CFAP410: variants seen among roughly 807,000 people sequenced by gnomAD.
CFAP410 encodes cilia and flagella associated protein 410.
In CFAP410, 27 loss-of-function variants were observed where a neutral mutation model predicts 25.7. The ratio of observed to expected loss-of-function variants is 1.05; its 90% CI spans 0.77 to 1.45. The LOEUF is 1.45. CFAP410 is among the 40% of genes most tolerant of loss of function. The probability of loss-of-function intolerance (pLI) is 0.00; values close to 1 mark genes in which losing one functional copy is unlikely to be tolerated. For synonymous variants in CFAP410, 178 were observed against 158.4 expected (o/e 1.12, Z -0.93); for missense variants, 428 against 354.1 (o/e 1.21, Z -1.67).
In CFAP410 at chr21:44,330,137, C is replaced by T. The variant is rs1214778537; in HGVS notation, c.*61G>A. 30 of 1,520,918 alleles carry T rather than the reference C, an allele frequency of 2.0e-5. No individual in the cohort carries two copies. Among genetic ancestry groups the T allele is most frequent in the East Asian group, 7.4e-5 (3 of 40,690 alleles). 94.2% of individuals were successfully genotyped at this position (1,520,918 alleles called of 1,614,324 possible). ...GCCATGGCAGCCACCCTCCAGCTCCCGGGGGCTGGGGAAGACGCTGGGGTC... is the reference window on the plus strand; with the variant it reads ...GCCATGGCAGCCACCCTCCAGCTCCTGGGGGCTGGGGAAGACGCTGGGGTC... On this transcript the variant is annotated 3_prime_UTR_variant, in exon 7 of 7. Coordinates refer to ENST00000339818, the MANE Select transcript of CFAP410 (RefSeq NM_004928.3).
Position 44,331,881 on chromosome 21 carries a change from C to G in CFAP410, c.507G>C (p.Glu169Asp). Residue 169 changes from glutamate to aspartate, a missense_variant, in exon 5 of 7, where the codon GAG (glutamate) becomes GAC (aspartate). Glu to Asp is a conservative substitution (Grantham distance 45, BLOSUM62 2). Transcript: ENST00000339818. The stretch of plus-strand genomic sequence containing the variant: ...CGCTGTCCAGCGGGTCCCGGCCAGT[C>G]TCAGCAGCGGAGCTGAGGGAGCTCA... Reference protein sequence around the residue: ...CTLSSLSSAAETGRDPLDSEE... With the variant: ...CTLSSLSSAADTGRDPLDSEE... The G allele has an allele frequency of 6.2e-7, 1 of 1,612,704 alleles. No individual in the cohort carries two copies.
chr21:44,330,803 C>G lies in CFAP410; in HGVS notation c.642+20G>C. 1.3e-6 allele frequency: 2 copies of G among 1,576,390 alleles called. No individual in the cohort carries two copies. Among genetic ancestry groups the G allele is most frequent in the Non-Finnish European group, 1.7e-6 (2 of 1,161,668 alleles). ...GCAGTGGGCAGAGGCAGCCGCGGCC[C>G]CTAGCGGCCCGCCACTCACCCTGCC... On this transcript the variant is annotated intron_variant, in intron 6 of 6. Transcript: ENST00000339818.
At chr21:44,332,819 G>A (rs2047676548) in intron 4 of CFAP410, 3 of 581,572 alleles carry the variant, frequency 5.2e-6, no homozygotes, top group Non-Finnish European at 9.3e-6. Flanking sequence ...GTCAGTCCCA[G>A]GAGGGACCCT....
At chr21:44,331,290 A>C in intron 5 of CFAP410, 1 of 319,306 alleles carries the variant, frequency 3.1e-6, no homozygotes, top group Non-Finnish European at 5.8e-6. Flanking sequence ...CAGAGATCAC[A>C]TCCCGATGCC....
At chr21:44,330,531 G>A (rs1432385509) in intron 6 of CFAP410, 3 of 1,548,206 alleles carry the variant, frequency 1.9e-6, no homozygotes, top group African/African-American at 2.7e-5. Context: ...TCTTCCACGT[G>A]ACTCCTGTTG....
chr21:44,331,141 C>G, intron 5 of CFAP410: 1 of 580,356 alleles, frequency 1.7e-6, no homozygotes, highest in Non-Finnish European at 3.1e-6. Flanking sequence ...GGCGCCCTCC[C>G]GGCACCCTGG....
intron 5 of CFAP410, 82 bp from the exon 6 acceptor site, chr21:44,331,001 A>G (rs1021089660): frequency 1.6e-6 from 2 of 1,273,884 alleles, no homozygotes; most frequent in Non-Finnish European, 2.1e-6. Flanking sequence ...TGCGGGTCGC[A>G]TCCAAGCAAA....
intron 3 of CFAP410, chr21:44,333,633 C>T (rs1458889296): frequency 8.7e-6 from 3 of 345,208 alleles, no homozygotes; most frequent in Non-Finnish European, 1.6e-5. Flanking sequence ...AGGGAGCGGC[C>T]AGAAAAACTC....
chr21:44,330,750 C>T, intron 6 of CFAP410, 73 bp downstream of exon 6: 10 of 1,551,210 alleles, frequency 6.4e-6, no homozygotes, highest in Non-Finnish European at 7.8e-6. Context: ...GCTCCATGCT[C>T]CCTCCCCACG....
intron 3 of CFAP410, 50 bp from the exon 4 acceptor site, chr21:44,333,312 G>C (rs575547314): frequency 6.8e-7 from 1 of 1,460,752 alleles, no homozygotes; most frequent in South Asian, 1.2e-5. Flanking sequence ...GGGCCCCCAG[G>C]GCCACCTCTC....
chr21:44,329,990 T>C lies in CFAP410; in HGVS notation c.*208A>G. 1 of 580,460 alleles carries C rather than the reference T, an allele frequency of 1.7e-6. No individual in the cohort carries two copies. Among genetic ancestry groups the C allele is most frequent in the Non-Finnish European group, 3.0e-6 (1 of 331,574 alleles). 36.0% of individuals were successfully genotyped at this position (580,460 alleles called of 1,614,324 possible). On this transcript the variant is annotated 3_prime_UTR_variant, in exon 7 of 7. Coordinates refer to ENST00000339818, the MANE Select transcript of CFAP410 (RefSeq NM_004928.3). ...CCTCCAGACCACAGAAGGGGAGTCC[T>C]GGGGACAGGACTGGTGTAGACAGGC...
At chr21:44,332,805 A>G (rs2047676277) in intron 4 of CFAP410, 3 of 557,280 alleles carry the variant, frequency 5.4e-6, no homozygotes. Context: ...GGGATACCCA[A>G]ACTGTCAGTC....
intron 1 of CFAP410, chr21:44,338,476 C>T (rs1246008960): frequency 5.0e-6 from 2 of 398,484 alleles, no homozygotes; most frequent in African/African-American, 4.2e-5. Flanking sequence ...ACCCACGTCC[C>T]TTCCTGTCAC....
In CFAP410 at chr21:44,331,829, C is replaced by A. The variant is rs2047652811; in HGVS notation, c.545+14G>T. On this transcript the variant is annotated intron_variant, in intron 5 of 6. Transcript: ENST00000339818. ...GGGATGGGCTGCGGAGTCCCCGCTG[C>A]CCTCCAGCCTCACGTTGCCTCCTCC... is the stretch of plus-strand genomic sequence containing the variant. 6.2e-7 allele frequency: 1 copy of A among 1,607,220 alleles called. No individual in the cohort carries two copies. Among genetic ancestry groups the A allele is most frequent in the African/African-American group, 1.3e-5 (1 of 74,798 alleles).
chr21:44,337,485 C>T (rs1458031671), intron 2 of CFAP410, among the ~76,000 whole-genome samples, 164 bp downstream of exon 2: 4 of 152,142 alleles, frequency 2.6e-5, no homozygotes, highest in South Asian at 2.1e-4. Context: ...AGTGGTTCTG[C>T]AGAATGAAAA....
intron 3 of CFAP410, 63 bp from the exon 4 acceptor site, chr21:44,333,325 TC>T: frequency 6.0e-6 from 8 of 1,323,416 alleles, no homozygotes; most frequent in Non-Finnish European, 8.5e-6. Flanking sequence ...CACCTCTCAA[TC>T]CCCACCCCCA....
At chr21:44,332,858 G>A (rs1354050897) in intron 4 of CFAP410, 175 bp downstream of exon 4, 4 of 609,532 alleles carry the variant, frequency 6.6e-6, no homozygotes, top group African/African-American at 3.7e-5. Context: ...CGGGTGGCGG[G>A]ATCAAGAGGA....
rs76447640 is a variant in CFAP410 at position 44,335,981 on chromosome 21, C to T, written c.97-177G>A. On this transcript the variant is annotated intron_variant, in intron 2 of 6. Coordinates refer to ENST00000339818, the MANE Select transcript of CFAP410 (RefSeq NM_004928.3). ...TGCCCAGGGCCTGAGGGGAGCGGCCCTGCTCAGCCAGTGTGCCCAGGGTGA... is the reference window on the plus strand; with the variant it reads ...TGCCCAGGGCCTGAGGGGAGCGGCCTTGCTCAGCCAGTGTGCCCAGGGTGA... 1,225 of 548,346 alleles carry T rather than the reference C, an allele frequency of 2.2e-3. 2 individuals are homozygous for T. The highest frequency in any genetic ancestry group is 0.02 in the African/African-American group (1,012 of 50,010). The allele number at this position is 548,346 out of a possible 1,614,324, so 34.0% of individuals were successfully genotyped here.
intron 1 of CFAP410, 73 bp downstream of exon 1, chr21:44,339,045 C>T: frequency 1.1e-6 from 1 of 872,076 alleles, no homozygotes; most frequent in South Asian, 2.6e-5. Flanking sequence ...CGGCTCCTCC[C>T]TCCGGCTCCG....
Sources: allele counts gnomAD v4.1 joint callset (sites outside exome capture counted in the v4.1 genomes callset), GRCh38; gene constraint gnomAD v4.1.1; transcripts MANE v1.5; gene names NCBI Gene and HGNC (gene_info 2026-07-23, HGNC 2026-07-21).